The following KCTD16 variants were observed in gnomAD, a reference collection of about 807,000 sequenced individuals.
KCTD16 encodes potassium channel tetramerization domain containing 16.
Under a neutral mutation model 33.2 loss-of-function variants are expected in KCTD16, and 13 were observed. That is an observed-to-expected ratio of 0.39 (90% CI 0.25 to 0.62). KCTD16 has a LOEUF of 0.62. Among genes scored for constraint, KCTD16 ranks in the 20% least tolerant of loss-of-function variants. KCTD16 has a pLI of 0.50. For missense variants in KCTD16, 441 were observed against 525.1 expected, an observed-to-expected ratio of 0.84 and a Z score of 1.57; for synonymous variants, 197 against 195.3, an observed-to-expected ratio of 1.01 and a Z score of -0.07.
At chr5:144,353,204 T>C (rs549953625) in intron 3 of KCTD16, among the ~76,000 whole-genome samples, 6 of 152,320 alleles carry the variant, frequency 3.9e-5, no homozygotes, top group Admixed American at 3.3e-4. Flanking sequence ...CATTTCCTTT[T>C]GAGAAATCTT....
At chr5:144,171,289 G>A (rs1042583061) in intron 1 of KCTD16, among the ~76,000 whole-genome samples, 3 of 152,118 alleles carry the variant, frequency 2.0e-5, no homozygotes, top group African/African-American at 7.2e-5. Context: ...CACTATAAGA[G>A]GGTTATCAAA....
intron 3 of KCTD16, among the ~76,000 whole-genome samples, chr5:144,274,623 A>T (rs1755393032): frequency 6.6e-6 from 1 of 152,156 alleles, no homozygotes; most frequent in Non-Finnish European, 1.5e-5. Flanking sequence ...TAAGGACTCT[A>T]CCTGTGTCTG....
chr5:144,457,860 C>T (rs989548820), intron 3 of KCTD16, among the ~76,000 whole-genome samples: 4 of 152,024 alleles, frequency 2.6e-5, no homozygotes, highest in Non-Finnish European at 5.9e-5. Context: ...TTGACAGTAC[C>T]GGATTAGGCC....
chr5:144,362,804 A>G (rs1487373257), intron 3 of KCTD16, among the ~76,000 whole-genome samples: 2 of 152,154 alleles, frequency 1.3e-5, no homozygotes, highest in Non-Finnish European at 2.9e-5. Flanking sequence ...GGCTAGGGGT[A>G]TGATAGCAGG....
At chr5:144,218,161 A>ATTGCACAAACCTC (rs1214243503) in intron 3 of KCTD16, among the ~76,000 whole-genome samples, 1 of 152,184 alleles carries the variant, frequency 6.6e-6, no homozygotes, top group Non-Finnish European at 1.5e-5. Context: ...TCACCTGTGA[A>ATTGCACAAACCTC]CAGAAGCATA....
At chr5:144,269,327 G>T (rs1358508471) in intron 3 of KCTD16, among the ~76,000 whole-genome samples, 1 of 151,906 alleles carries the variant, frequency 6.6e-6, no homozygotes, top group African/African-American at 2.4e-5. Flanking sequence ...GACAAAGACA[G>T]AATTTTGAAA....
intron 3 of KCTD16, among the ~76,000 whole-genome samples, chr5:144,374,206 A>T (rs572367854): frequency 6.6e-6 from 1 of 152,334 alleles, no homozygotes; most frequent in Admixed American, 6.5e-5. Context: ...TCACCTGACA[A>T]ATATTTCAAA....
chr5:144,326,227 C>T (rs1446464875), intron 3 of KCTD16, among the ~76,000 whole-genome samples: 2 of 152,136 alleles, frequency 1.3e-5, no homozygotes, highest in East Asian at 3.9e-4. Context: ...GGCATCCCTT[C>T]AAGAACACCA....
chr5:144,307,039 A>G (rs977264688), intron 3 of KCTD16, among the ~76,000 whole-genome samples: 1 of 152,148 alleles, frequency 6.6e-6, no homozygotes, highest in African/African-American at 2.4e-5. Flanking sequence ...TTGGTTACCC[A>G]AAGGTTTCTG....
At chr5:144,417,691 A>T (rs756467192) in intron 3 of KCTD16, among the ~76,000 whole-genome samples, 39 of 152,006 alleles carry the variant, frequency 2.6e-4, no homozygotes, top group Non-Finnish European at 4.9e-4. Context: ...GGTCATGGAG[A>T]TTTAGTTCTA....
chr5:144,173,897 T>C (rs1032024823), intron 1 of KCTD16, among the ~76,000 whole-genome samples: 5 of 138,496 alleles, frequency 3.6e-5, no homozygotes, highest in African/African-American at 8.1e-5. Context: ...GAATTTCTTT[T>C]TGGATTTTTT....
chr5:144,175,513 A>C (rs1240683240), intron 2 of KCTD16, among the ~76,000 whole-genome samples: 1 of 152,240 alleles, frequency 6.6e-6, no homozygotes, highest in Non-Finnish European at 1.5e-5. Flanking sequence ...AGTTGATAAA[A>C]ATATTTTCTG....
At chr5:144,178,820 A>ACTACATC (rs1215555751) in intron 2 of KCTD16, among the ~76,000 whole-genome samples, 1 of 152,202 alleles carries the variant, frequency 6.6e-6, no homozygotes, top group East Asian at 1.9e-4. Context: ...ATTATAATAC[A>ACTACATC]CTACATCCCC....
At chr5:144,301,265 C>T (rs112379183) in intron 3 of KCTD16, among the ~76,000 whole-genome samples, 4,698 of 145,460 alleles carry the variant, frequency 0.032, 281 homozygotes, top group African/African-American at 0.11. Flanking sequence ...AAAAAAAGAT[C>T]GTGAAGGACA....
chr5:144,211,239 T>C (rs1418800375), intron 3 of KCTD16, among the ~76,000 whole-genome samples: 1 of 152,158 alleles, frequency 6.6e-6, no homozygotes, highest in Non-Finnish European at 1.5e-5. Flanking sequence ...CTGTGAATAA[T>C]TTAGCTAAGC....
intron 3 of KCTD16, among the ~76,000 whole-genome samples, chr5:144,419,534 G>A (rs1037653921): frequency 3.9e-5 from 6 of 152,046 alleles, no homozygotes; most frequent in Non-Finnish European, 7.4e-5. Flanking sequence ...AAACACCTGC[G>A]TTTCTTCCTC....
chr5:144,235,813 T>A (rs1254401573), intron 3 of KCTD16, among the ~76,000 whole-genome samples: 2 of 152,136 alleles, frequency 1.3e-5, no homozygotes, highest in African/African-American at 4.8e-5. Context: ...AGCATTTTAA[T>A]AACTGATTCT....
chr5:144,396,928 A>ATT (rs1440608142), intron 3 of KCTD16, among the ~76,000 whole-genome samples: 2 of 145,472 alleles, frequency 1.4e-5, no homozygotes, highest in Non-Finnish European at 3.0e-5. Context: ...ATATATATAT[A>ATT]TATATTTTAT....
At chr5:144,191,185 G>A (rs1489237024) in intron 2 of KCTD16, among the ~76,000 whole-genome samples, 1 of 152,162 alleles carries the variant, frequency 6.6e-6, no homozygotes, top group Non-Finnish European at 1.5e-5. Context: ...ACATTGAATG[G>A]GAATCATTGG....
Sources: allele counts gnomAD v4.1 joint callset (sites outside exome capture counted in the v4.1 genomes callset), GRCh38; gene constraint gnomAD v4.1.1; transcripts MANE v1.5; gene names NCBI Gene and HGNC (gene_info 2026-07-23, HGNC 2026-07-21).